Variants in PDE4D observed in about 807,000 individuals in gnomAD.
The protein encoded by PDE4D is 3',5'-cyclic-AMP phosphodiesterase 4D.
In PDE4D, 24 loss-of-function variants were observed where a neutral mutation model predicts 87.4. That is an observed-to-expected ratio of 0.27 (90% CI 0.20 to 0.39). The LOEUF (loss-of-function observed/expected upper bound fraction) is 0.39, where lower values mean the gene tolerates loss of function less well. Among genes scored for constraint, PDE4D ranks in the 10% least tolerant of loss-of-function variants. The pLI, the probability that PDE4D is intolerant of heterozygous loss-of-function variation, is 1.00. For synonymous variants in PDE4D, 384 were observed against 383.2 expected (o/e 1.00, Z -0.02); for missense variants, 714 against 1,041.0 (o/e 0.69, Z 4.32).
At chr5:59,605,435 T>C (rs1583286856) in intron 1 of PDE4D, among the ~76,000 whole-genome samples, 1 of 151,748 alleles carries the variant, frequency 6.6e-6, no homozygotes, top group East Asian at 1.9e-4. Flanking sequence ...ACAATTTTGT[T>C]CTTAAGTCTC....
At chr5:60,093,776 C>A (rs1582619303) in intron 2 of PDE4D, among the ~76,000 whole-genome samples, 1 of 127,530 alleles carries the variant, frequency 7.8e-6, no homozygotes. Flanking sequence ...TTTAACTGGG[C>A]AAATGTAAAA....
chr5:59,035,639 A>G (rs1215198928), intron 6 of PDE4D, among the ~76,000 whole-genome samples: 3 of 152,218 alleles, frequency 2.0e-5, no homozygotes, highest in Non-Finnish European at 4.4e-5. Flanking sequence ...ACTTTTCAAG[A>G]TAGTTATTAT....
intron 1 of PDE4D, among the ~76,000 whole-genome samples, chr5:59,536,154 G>A (rs1815180136): frequency 6.6e-6 from 1 of 152,042 alleles, no homozygotes; most frequent in Non-Finnish European, 1.5e-5. Flanking sequence ...GGTAATATTG[G>A]ATACACGAAA....
intron 1 of PDE4D, among the ~76,000 whole-genome samples, chr5:59,879,853 G>A (rs1749179405): frequency 6.6e-6 from 1 of 152,144 alleles, no homozygotes; most frequent in Non-Finnish European, 1.5e-5. Flanking sequence ...CGATTCTCCT[G>A]CCTCAGTCTC....
chr5:59,157,617 A>G (rs1224487121), intron 5 of PDE4D, among the ~76,000 whole-genome samples: 1 of 152,242 alleles, frequency 6.6e-6, no homozygotes, highest in Non-Finnish European at 1.5e-5. Flanking sequence ...TTGTTCATGT[A>G]CAAATGAGAA....
chr5:59,824,401 C>T (rs1021512175), intron 1 of PDE4D, among the ~76,000 whole-genome samples: 12 of 152,250 alleles, frequency 7.9e-5, no homozygotes, highest in African/African-American at 2.9e-4. Context: ...TAGAATGTAA[C>T]CCTTCTGTGA....
chr5:60,108,078 T>A (rs1777222612), intron 2 of PDE4D, among the ~76,000 whole-genome samples: 1 of 152,000 alleles, frequency 6.6e-6, no homozygotes, highest in African/African-American at 2.4e-5. Context: ...TGTCCCTGTT[T>A]GCAGACGACA....
chr5:59,650,965 A>C (rs554904806), intron 1 of PDE4D, among the ~76,000 whole-genome samples: 42 of 152,322 alleles, frequency 2.8e-4, no homozygotes, highest in Admixed American at 8.5e-4. Context: ...TTTTATAAAA[A>C]TAATTGTTGG....
intron 3 of PDE4D, among the ~76,000 whole-genome samples, chr5:59,949,302 G>A (rs951003359): frequency 5.9e-5 from 9 of 151,966 alleles, no homozygotes; most frequent in Middle Eastern, 3.2e-3. Context: ...GCATGGTGGC[G>A]GAAGCCTGTA....
intron 1 of PDE4D, among the ~76,000 whole-genome samples, chr5:59,319,151 TAC>T (rs1774248876): frequency 7.9e-6 from 1 of 127,080 alleles, no homozygotes; most frequent in South Asian, 2.8e-4. Context: ...TATGAGAGAG[TAC>T]ATATATATGT....
rs76475808 is a variant in PDE4D at position 60,293,057 on chromosome 5, G to C, written c.-89-107370C>G. On this transcript the variant is annotated intron_variant, in intron 1 of 16. Transcript: ENST00000502484. ...GTTTCACTCTTTCACCCACGCTAGA[G>C]TGAAGTGTTATGATCTCGGCTCACT... is the stretch of plus-strand genomic sequence containing the variant. Among the ~76,000 whole-genome samples the C allele has an allele frequency of 6.6e-3, 999 of 151,328 alleles. 7 individuals are homozygous for C. The highest frequency in any genetic ancestry group is 0.023 in the African/African-American group (964 of 41,192).
intron 11 of PDE4D, among the ~76,000 whole-genome samples, chr5:58,979,331 G>C (rs569684368): frequency 6.6e-6 from 1 of 152,202 alleles, no homozygotes; most frequent in African/African-American, 2.4e-5. Flanking sequence ...GGATGCCTTA[G>C]TGGACTGGCA....
At chr5:59,105,919 C>G (rs2153435835) in intron 5 of PDE4D, among the ~76,000 whole-genome samples, 1 of 152,172 alleles carries the variant, frequency 6.6e-6, no homozygotes, top group African/African-American at 2.4e-5. Context: ...CTAGTAATAC[C>G]TAGAAATAAA....
At chr5:59,091,807 A>C (rs1768797107) in intron 5 of PDE4D, among the ~76,000 whole-genome samples, 1 of 152,118 alleles carries the variant, frequency 6.6e-6, no homozygotes, top group African/African-American at 2.4e-5. Context: ...TATATTTCAC[A>C]ATTTAAAAAT....
intron 5 of PDE4D, among the ~76,000 whole-genome samples, chr5:59,062,848 C>T (rs796864909): frequency 1.3e-5 from 2 of 152,074 alleles, no homozygotes; most frequent in African/African-American, 4.8e-5. Flanking sequence ...CTGCCACCCC[C>T]ACCCCCTATA....
Position 60,173,409 on chromosome 5 carries a change from T to A in PDE4D, c.42+12148A>T, listed in dbSNP as rs528547115. On this transcript the variant is annotated intron_variant, in intron 2 of 16. Coordinates refer to the PDE4D transcript ENST00000502484. ...ATTTTGCAATTCTAAATTATTATTG[T>A]TATTCTTATTAGTCACATTAACACA... Among the ~76,000 whole-genome samples, 4 of 152,272 alleles carry A rather than the reference T, an allele frequency of 2.6e-5. 1 individual carries two copies. Among genetic ancestry groups the A allele is most frequent in the African/African-American group, 9.6e-5 (4 of 41,576 alleles).
chr5:59,265,473 A>C (rs998675077), intron 1 of PDE4D, among the ~76,000 whole-genome samples: 2 of 152,042 alleles, frequency 1.3e-5, no homozygotes, highest in African/African-American at 4.8e-5. Flanking sequence ...CCTTATGGAA[A>C]AGAAACCCTT....
intron 1 of PDE4D, among the ~76,000 whole-genome samples, chr5:59,751,277 C>T (rs541314792): frequency 6.6e-6 from 1 of 152,268 alleles, no homozygotes; most frequent in Non-Finnish European, 1.5e-5. Context: ...TGCATCAGAA[C>T]ACAAGTGCCA....
intron 1 of PDE4D, among the ~76,000 whole-genome samples, chr5:59,424,071 T>C (rs1291082992): frequency 2.0e-5 from 3 of 152,056 alleles, no homozygotes; most frequent in Admixed American, 2.0e-4. Flanking sequence ...GTAGAGTGGT[T>C]AGGCTGAGGG....
Sources: allele counts gnomAD v4.1 joint callset (sites outside exome capture counted in the v4.1 genomes callset), GRCh38; gene constraint gnomAD v4.1.1; transcripts MANE v1.5; gene names NCBI Gene and HGNC (gene_info 2026-07-23, HGNC 2026-07-21).